The following CACNA1B variants were observed in gnomAD, a reference collection of about 807,000 sequenced individuals.
CACNA1B encodes voltage-dependent N-type calcium channel subunit alpha-1B.
A neutral mutation model predicts 247.2 loss-of-function variants in CACNA1B; 70 were observed. The ratio of observed to expected loss-of-function variants is 0.28; its 90% CI spans 0.23 to 0.35. The LOEUF is 0.35. CACNA1B is among the 10% of genes least tolerant of loss of function. The pLI is 1.00. For synonymous variants in CACNA1B, 1,231 were observed against 1,294.4 expected (o/e 0.95, Z 1.05); for missense variants, 2,367 against 3,197.4 (o/e 0.74, Z 6.26).
At chr9:138,035,619 C>G (rs1044411844) in intron 20 of CACNA1B, among the ~76,000 whole-genome samples, 16 of 152,042 alleles carry the variant, frequency 1.1e-4, no homozygotes, top group Non-Finnish European at 2.2e-4. Context: ...TTGATAAGCC[C>G]TTTTTTCCCT....
intron 6 of CACNA1B, among the ~76,000 whole-genome samples, chr9:137,925,015 T>A (rs1172235377): frequency 6.6e-6 from 1 of 152,252 alleles, no homozygotes; most frequent in Non-Finnish European, 1.5e-5. Flanking sequence ...GACATCCTTG[T>A]GGCTCTTGTC....
chr9:137,898,107 C>T (rs1588990251), intron 3 of CACNA1B, among the ~76,000 whole-genome samples: 1 of 152,332 alleles, frequency 6.6e-6, no homozygotes, highest in East Asian at 1.9e-4. Flanking sequence ...TCTGGGTTGA[C>T]AATTCTTTTC....
At chr9:138,071,873 A>G (rs1960145594) in intron 32 of CACNA1B, among the ~76,000 whole-genome samples, 1 of 151,938 alleles carries the variant, frequency 6.6e-6, no homozygotes, top group Non-Finnish European at 1.5e-5. Flanking sequence ...CCCTGAGCAC[A>G]AGGTTTCAGA....
intron 6 of CACNA1B, among the ~76,000 whole-genome samples, chr9:137,948,761 T>C (rs1957828732): frequency 6.8e-6 from 1 of 147,254 alleles, no homozygotes; most frequent in Admixed American, 6.8e-5. Flanking sequence ...GGTGTGTGCC[T>C]GTATCTGGTG....
intron 24 of CACNA1B, 29 bp downstream of exon 24, chr9:138,049,344 G>GCCAGA: frequency 7.3e-7 from 1 of 1,363,446 alleles, no homozygotes; most frequent in Non-Finnish European, 1.1e-6. Context: ...GCTCTGGCTA[G>GCCAGA]GGAGAGCCCC....
rs938116166 is a variant in CACNA1B, at chr9:137,913,580, A to T, written c.622+309A>T. Among the ~76,000 whole-genome samples, 4 of 152,172 alleles carry T rather than the reference A, an allele frequency of 2.6e-5. No homozygotes were observed. The highest frequency in any genetic ancestry group is 4.4e-5 in the Non-Finnish European group (3 of 68,030). The stretch of plus-strand genomic sequence containing the variant: ...TTCTTTTTCTGAGGGTAAAGAATGG[A>T]TGAGAGGTTGACCAAGGTGGTGGGG... On this transcript the variant is annotated intron_variant, in intron 4 of 46. Transcript: ENST00000371372. This position sits in a 1 kb window ranked among gnomAD's most constrained non-coding sequence, Gnocchi z 5.2.
chr9:138,046,808 A>C, intron 21 of CACNA1B, 96 bp from the exon 22 acceptor site: 1 of 1,219,470 alleles, frequency 8.2e-7, no homozygotes, highest in Non-Finnish European at 1.2e-6. Context: ...GAGGCAGCCC[A>C]GAGCCCTTTC....
chr9:137,935,844 G>A lies in CACNA1B; in HGVS notation c.967-16430G>A, dbSNP rs556361399. On this transcript the variant is annotated intron_variant, in intron 6 of 46. Coordinates refer to ENST00000371372, the MANE Select transcript of CACNA1B (RefSeq NM_000718.4). ...GGCTGGAGTACAGTGGCATGATCTCGGCTCACTGCCGCCCAGGCCGGAGTG... is the reference window on the plus strand; with the variant it reads ...GGCTGGAGTACAGTGGCATGATCTCAGCTCACTGCCGCCCAGGCCGGAGTG... Among the ~76,000 whole-genome samples, 5 of 151,576 alleles carry A rather than the reference G, an allele frequency of 3.3e-5. No homozygotes were observed. In the East Asian group the frequency reaches 5.9e-4, roughly 18 times the overall value.
At chr9:138,022,626 C>T (rs1329420804) in intron 18 of CACNA1B, among the ~76,000 whole-genome samples, 1 of 152,178 alleles carries the variant, frequency 6.6e-6, no homozygotes. Flanking sequence ...CCTCTCCATC[C>T]GTCCTGCCCT....
rs976024687 is a variant in CACNA1B, at chr9:137,913,602, G to A, written c.622+331G>A. On this transcript the variant is annotated intron_variant, in intron 4 of 46. Coordinates refer to ENST00000371372, the MANE Select transcript of CACNA1B (RefSeq NM_000718.4). The surrounding 1 kb of genome is among the most constrained non-coding windows in gnomAD (Gnocchi z 5.2). The stretch of plus-strand genomic sequence containing the variant: ...TGGATGAGAGGTTGACCAAGGTGGT[G>A]GGGAAGGATGCCTGAGAAAATGTGC... Among the ~76,000 whole-genome samples, 1 of 152,194 alleles carries A rather than the reference G, an allele frequency of 6.6e-6. No individual in the cohort carries two copies. Among genetic ancestry groups the A allele is most frequent in the African/African-American group, 2.4e-5 (1 of 41,458 alleles).
chr9:138,115,601 CA>C lies in CACNA1B; in HGVS notation c.5700del (p.Gln1901SerfsTer80), dbSNP rs778439899. On this transcript the variant is annotated frameshift_variant, in exon 42 of 47. Transcript: ENST00000371372. LOFTEE classifies it high-confidence loss of function. The stretch of plus-strand genomic sequence containing the variant: ...CCTCTGAAGGCCACCCTGGAGCAGA[CA>C]CAGCCGGCTGTGCTCCGAGGAGCCC... Reference protein sequence around the residue: ...FHPLKATLEQTQPAVLRGARV... With the variant: ...FHPLKATLEQXQPAVLRGARV... 2.5e-6 allele frequency: 4 copies of C among 1,613,782 alleles called. No homozygotes were observed. The South Asian group carries it at 4.4e-5, about 18-fold the overall frequency.
chr9:137,984,541 C>A (rs1958333860), intron 13 of CACNA1B, among the ~76,000 whole-genome samples: 1 of 152,216 alleles, frequency 6.6e-6, no homozygotes, highest in South Asian at 2.1e-4. Context: ...CCCCATCTTC[C>A]CAGCCTTCAA....
chr9:138,000,137 CG>C (rs1958548885), intron 15 of CACNA1B, among the ~76,000 whole-genome samples: 2 of 148,316 alleles, frequency 1.3e-5, no homozygotes, highest in African/African-American at 5.0e-5. Flanking sequence ...CTCGCTCTGT[CG>C]CCCAGGCTGG....
chr9:137,915,386 T>A (rs906570469), intron 5 of CACNA1B, among the ~76,000 whole-genome samples: 13 of 152,242 alleles, frequency 8.5e-5, no homozygotes, highest in African/African-American at 2.9e-4. Flanking sequence ...GCCAGGGTGT[T>A]GTGATAGAGG....
chr9:137,885,673 G>A (rs1446221593), intron 3 of CACNA1B, among the ~76,000 whole-genome samples: 2 of 122,740 alleles, frequency 1.6e-5, no homozygotes, highest in Admixed American at 8.5e-5. Context: ...TGGGAGGGAA[G>A]GCGGGCGCTC....
chr9:137,969,505 G>A (rs1277163638), intron 10 of CACNA1B, among the ~76,000 whole-genome samples: 1 of 152,216 alleles, frequency 6.6e-6, no homozygotes, highest in Non-Finnish European at 1.5e-5. Flanking sequence ...CTGGCTGGTG[G>A]GGATGGCCAC....
At chr9:137,916,107 G>A (rs1468872086) in intron 5 of CACNA1B, among the ~76,000 whole-genome samples, 3 of 146,662 alleles carry the variant, frequency 2.0e-5, no homozygotes, top group Non-Finnish European at 4.5e-5. Flanking sequence ...ATCTCGGCTC[G>A]CTGCAACCTC....
chr9:138,072,120 TCTA>T lies in CACNA1B; in HGVS notation c.4675-1365_4675-1363del, dbSNP rs1960153598. Among the ~76,000 whole-genome samples the T allele has an allele frequency of 6.6e-6, 1 of 152,122 alleles. No homozygotes were observed. The highest frequency in any genetic ancestry group is 1.5e-5 in the Non-Finnish European group (1 of 68,006). On this transcript the variant is annotated intron_variant, in intron 32 of 46. Transcript: ENST00000371372. This position sits in a 1 kb window ranked among gnomAD's most constrained non-coding sequence, Gnocchi z 4.5. The stretch of plus-strand genomic sequence containing the variant: ...TGCCCTCTGGGGTCACACCCTGAGG[TCTA>T]CTGCTGCCGCCTTGCTGATTTGGAT...
chr9:138,091,419 TGAAC>T (rs887659142), intron 36 of CACNA1B, among the ~76,000 whole-genome samples: 3 of 152,186 alleles, frequency 2.0e-5, no homozygotes, highest in African/African-American at 7.2e-5. Flanking sequence ...CAAAGGTTGG[TGAAC>T]GGATACAAAA....
Sources: allele counts gnomAD v4.1 joint callset (sites outside exome capture counted in the v4.1 genomes callset), GRCh38; gene constraint gnomAD v4.1.1; non-coding constraint Gnocchi (gnomAD v3.1); transcripts MANE v1.5; gene names NCBI Gene and HGNC (gene_info 2026-07-23, HGNC 2026-07-21).